The following CAPN12 variants were observed in gnomAD, a reference collection of about 807,000 sequenced individuals.
CAPN12 encodes calpain 12.
CAPN12 carries 107 observed loss-of-function variants against 95.0 expected under a neutral mutation model. The observed-to-expected ratio is 1.13, with a 90% CI of 0.96 to 1.32. The LOEUF (loss-of-function observed/expected upper bound fraction) is 1.32, where lower values mean the gene tolerates loss of function less well. Among genes scored for constraint, CAPN12 ranks in the 40% most tolerant of loss-of-function variants. The pLI, the probability that CAPN12 is intolerant of heterozygous loss-of-function variation, is 0.00. For missense variants in CAPN12, 1,136 were observed against 997.8 expected, an observed-to-expected ratio of 1.14 and a Z score of -1.87; for synonymous variants, 505 against 415.5, an observed-to-expected ratio of 1.22 and a Z score of -2.62.
chr19:38,740,415 C>G (rs1332317419), intron 4 of CAPN12, among the ~76,000 whole-genome samples, 196 bp from the exon 5 acceptor site: 1 of 152,158 alleles, frequency 6.6e-6, no homozygotes, highest in African/African-American at 2.4e-5. Flanking sequence ...ACTGTAGCCT[C>G]AAACTCCCGG....
In CAPN12 at chr19:38,735,991, T is replaced by TC. The variant is rs1970094203; in HGVS notation, c.1583+118_1583+119insG. 29 of 248,538 alleles carry TC rather than the reference T, an allele frequency of 1.2e-4. No individual in the cohort carries two copies. The African/African-American group carries it at 1.3e-3, about 11-fold the overall frequency. The allele number at this position is 248,538 out of a possible 1,614,324, so 15.4% of individuals were successfully genotyped here. A position where few individuals can be genotyped will look rare whatever the true frequency, so the allele number is the denominator to read the frequency against. On this transcript the variant is annotated intron_variant, in intron 12 of 20. Coordinates refer to ENST00000328867, the MANE Select transcript of CAPN12 (RefSeq NM_144691.4). ...GCGGGGCGGGGCGGGGCAGGGGTTC[T>TC]GGGGGCGGGGCAGGTCAGGTCTCGG...
At chr19:38,741,992 G>A in intron 3 of CAPN12, 82 bp from the exon 4 acceptor site, 1 of 1,557,532 alleles carries the variant, frequency 6.4e-7, no homozygotes, top group East Asian at 2.3e-5. Flanking sequence ...GCCAGTCCCA[G>A]AGTCAGGAAT....
Position 38,734,859 on chromosome 19 carries a change from G to T in CAPN12, c.1698C>A (p.Leu566=), listed in dbSNP as rs779945335. The T allele has an allele frequency of 3.1e-6, 5 of 1,612,746 alleles. No homozygotes were observed. In the Admixed American group the frequency reaches 8.3e-5, roughly 27 times the overall value. Residue 566 remains leucine (L), a synonymous_variant, in exon 15 of 21, where the codon CTC becomes CTA. Transcript: ENST00000328867. ...GTAAGGCCTGGAGCTGAGAGGCATT[G>T]AGTTCTTCCTCCTAGTCCAGGAAAG... ...FQELAGEEEE[L]NASQLQALLS...
intron 10 of CAPN12, chr19:38,736,806 C>T (rs1286710416): frequency 2.5e-5 from 15 of 595,088 alleles, no homozygotes; most frequent in Admixed American, 6.2e-5. Flanking sequence ...CCCTTCTAAC[C>T]CCCAGCCTCT....
Position 38,742,410 on chromosome 19 carries a change from CTGGAAG to C in CAPN12, c.420_425del (p.His140_Phe141del). 1 of 1,608,504 alleles carries C rather than the reference CTGGAAG, an allele frequency of 6.2e-7. No individual in the cohort carries two copies. Among genetic ancestry groups the C allele is most frequent in the Non-Finnish European group, 8.5e-7 (1 of 1,174,926 alleles). The stretch of plus-strand genomic sequence containing the variant: ...CATGGGCAGAGGAACTGAGCTGTAC[CTGGAAG>C]TGGAAGACGCCTGCGTAGCCATGCT... On this transcript the variant is annotated inframe_deletion and splice_region_variant, in exon 3 of 21. Transcript: ENST00000328867.
At chr19:38,735,124 A>C in intron 14 of CAPN12, 1 of 605,098 alleles carries the variant, frequency 1.7e-6, no homozygotes, top group East Asian at 2.8e-5. Context: ...GGCACCTTAG[A>C]TGAGACCTGA....
At chr19:38,736,420 CCTCCCCTGCCCCCGGACCCGGCTCTG>C in intron 11 of CAPN12, 102 bp from the exon 12 acceptor site, 3 of 1,518,848 alleles carry the variant, frequency 2.0e-6, no homozygotes, top group Non-Finnish European at 2.7e-6. Flanking sequence ...CCTGTCCACG[CCTCCCCTGCCCCCGGACCCGGCTCTG>C]CCCCCCCACC....
rs78839992 is a variant in CAPN12 at position 38,735,396 on chromosome 19, G to C, written c.1660C>G (p.Gln554Glu). 5 of 1,607,338 alleles carry C rather than the reference G, an allele frequency of 3.1e-6. No homozygotes were observed. The highest frequency in any genetic ancestry group is 4.2e-6 in the Non-Finnish European group (5 of 1,176,722). ...TCTCCAGCCAGCTCCTGAAACAGCTGCTCCAACCCCAGCTCCAGGGGCAGG... is the reference window on the plus strand; with the variant it reads ...TCTCCAGCCAGCTCCTGAAACAGCTCCTCCAACCCCAGCTCCAGGGGCAGG... ...PYLPLELGLE[Q>E]LFQELAGEEE... is the part of the protein sequence containing the mutation. The change falls in exon 14 of 21, where the codon CAG becomes GAG. Residue 554 changes from glutamine (Q) to glutamate (E), a missense_variant. Coordinates refer to ENST00000328867, the MANE Select transcript of CAPN12 (RefSeq NM_144691.4).
intron 14 of CAPN12, chr19:38,735,116 C>T: frequency 1.7e-6 from 1 of 604,880 alleles, no homozygotes; most frequent in Non-Finnish European, 2.9e-6. Context: ...CAGGGCTGGG[C>T]ACCTTAGATG....
At chr19:38,732,203 CACCTGCT>C (rs1415271714) in intron 18 of CAPN12, among the ~76,000 whole-genome samples, 2 of 152,278 alleles carry the variant, frequency 1.3e-5, no homozygotes, top group Non-Finnish European at 2.9e-5. Context: ...TGCCACCTGC[CACCTGCT>C]GTGAGTCCTT....
Position 38,730,766 on chromosome 19 carries a change from A to C in CAPN12, c.*86T>G. ...CCCCAGACAGGTGGATGCCAGAGAG[A>C]GTGGCACCCATGCCAGGCAAGGCCT... On this transcript the variant is annotated 3_prime_UTR_variant, in exon 21 of 21. Coordinates refer to ENST00000328867, the MANE Select transcript of CAPN12 (RefSeq NM_144691.4). 1.4e-6 allele frequency: 2 copies of C among 1,475,058 alleles called. No individual in the cohort carries two copies. Among genetic ancestry groups the C allele is most frequent in the East Asian group, 2.5e-5 (1 of 40,582 alleles). The allele number at this position is 1,475,058 out of a possible 1,614,324, so 91.4% of individuals were successfully genotyped here.
intron 17 of CAPN12, 163 bp downstream of exon 17, chr19:38,733,979 G>T (rs1183859025): frequency 1.4e-5 from 12 of 833,612 alleles, no homozygotes; most frequent in Non-Finnish European, 2.3e-5. Context: ...CAGAGGACAA[G>T]CTGAGGCTGG....
chr19:38,738,755 A>G (rs1970373578), intron 5 of CAPN12, 107 bp from the exon 6 acceptor site: 2 of 932,870 alleles, frequency 2.1e-6, no homozygotes, highest in Non-Finnish European at 3.4e-6. Flanking sequence ...CAGAGCACTG[A>G]ACTGAATGGC....
At chr19:38,736,429 CCCCCGGA>C in intron 11 of CAPN12, 111 bp from the exon 12 acceptor site, 1 of 1,522,298 alleles carries the variant, frequency 6.6e-7, no homozygotes, top group South Asian at 1.2e-5. Flanking sequence ...GCCTCCCCTG[CCCCCGGA>C]CCCGGCTCTG....
rs752057669 is a variant in CAPN12, at chr19:38,734,271, G to A, written c.1815+48C>T. On this transcript the variant is annotated intron_variant, in intron 16 of 20. Transcript: ENST00000328867. ...CCAGAAGGGGAGGAGAGACCCCAAC[G>A]TCCCCTTCCCCACTCCCTCCCTCAC... 1.2e-5 allele frequency: 20 copies of A among 1,603,632 alleles called. No individual in the cohort carries two copies. The Middle Eastern group carries it at 5.0e-4, about 40-fold the overall frequency.
At position 38,741,854 on chromosome 19, in the gene CAPN12, A is replaced by T. The variant is rs1051062553; in HGVS notation, c.483T>A (p.Arg161=). The change falls in exon 4 of 21, where the codon CGT becomes CGA. Residue 161 remains arginine, a synonymous_variant. Transcript: ENST00000328867. ...AGCGCACGAACATCAGCTTCCCCTC[A>T]CGCACGGGCAGCCTGTCATCCACCA... ...DVVVDDRLPV[R]EGKLMFVRSE... is the part of the protein sequence containing the mutation. 1 of 1,613,938 alleles carries T rather than the reference A, an allele frequency of 6.2e-7. No individual in the cohort carries two copies. The highest frequency in any genetic ancestry group is 8.5e-7 in the Non-Finnish European group (1 of 1,180,034).
rs2041460994 is a variant in CAPN12 at position 38,738,497 on chromosome 19, G to A, written c.811C>T (p.Leu271=). The change falls in exon 7 of 21, where the codon CTG becomes TTG. Residue 271 remains leucine (L), a synonymous_variant. Transcript: ENST00000328867. ...AGCAGCCGCACCTTGGTGAAGCCCA[G>A]GAACACCTGGGGCAGCATCGTCAGT... ...YSITGTHKVF[L]GFTKVRLLRL... 2.5e-6 allele frequency: 4 copies of A among 1,612,374 alleles called. No homozygotes were observed. In the South Asian group the frequency reaches 3.3e-5, roughly 13 times the overall value.
chr19:38,736,890 T>A (rs1467465142), intron 10 of CAPN12: 15 of 489,206 alleles, frequency 3.1e-5, no homozygotes, highest in Non-Finnish European at 4.4e-5. Flanking sequence ...CTCTCCCCTC[T>A]GAGACCTGGC....
At position 38,736,308 on chromosome 19, in the gene CAPN12, AG is replaced by A. The variant is rs1371826167; in HGVS notation, c.1384del (p.Leu462SerfsTer28). The A allele has an allele frequency of 7.0e-7, 1 of 1,435,768 alleles. No homozygotes were observed. Among genetic ancestry groups the A allele is most frequent in the East Asian group, 2.8e-5 (1 of 35,562 alleles). 88.9% of individuals were successfully genotyped at this position (1,435,768 alleles called of 1,614,324 possible). On this transcript the variant is annotated frameshift_variant, in exon 12 of 21. Transcript: ENST00000328867. LOFTEE classifies it high-confidence loss of function. The part of the protein sequence containing the change: ...VFQIPEELLG[L>X]WDSPRSHALL... ...CGCATGGCTGCGCGGGGAATCCCAGAGGCCCAGCAGCTGGGGACGGGGCGGC... is the reference window on the plus strand; with the variant it reads ...CGCATGGCTGCGCGGGGAATCCCAGAGCCCAGCAGCTGGGGACGGGGCGGC...
Sources: allele counts gnomAD v4.1 joint callset (sites outside exome capture counted in the v4.1 genomes callset), GRCh38; gene constraint gnomAD v4.1.1; transcripts MANE v1.5; gene names NCBI Gene and HGNC (gene_info 2026-07-23, HGNC 2026-07-21).